Variants in CASQ2 observed in about 807,000 individuals in gnomAD.
CASQ2 encodes the protein calsequestrin-2.
CASQ2 carries 49 observed loss-of-function variants against 46.5 expected under a neutral mutation model. The observed-to-expected ratio is 1.05, with a 90% confidence interval of 0.84 to 1.34. The LOEUF (loss-of-function observed/expected upper bound fraction) is 1.34, where lower values mean the gene tolerates loss of function less well. Among genes scored for constraint, CASQ2 ranks in the 40% most tolerant of loss-of-function variants. The probability of loss-of-function intolerance (pLI) is 0.00; values close to 1 mark genes in which losing one functional copy is unlikely to be tolerated. For synonymous variants in CASQ2, 174 were observed against 168.5 expected (o/e 1.03, Z -0.25); for missense variants, 486 against 481.3 (o/e 1.01, Z -0.09).
chr1:115,755,083 C>G (rs1319572526), intron 1 of CASQ2, among the ~76,000 whole-genome samples: 1 of 152,206 alleles, frequency 6.6e-6, no homozygotes, highest in Non-Finnish European at 1.5e-5. Context: ...CTTCCAGTCT[C>G]TAACACAAAA....
chr1:115,760,118 C>T (rs1458913420), intron 1 of CASQ2, among the ~76,000 whole-genome samples: 1 of 152,140 alleles, frequency 6.6e-6, no homozygotes, highest in African/African-American at 2.4e-5. Flanking sequence ...TCCCTGCACC[C>T]CTAGAACAAA....
At chr1:115,705,135 C>T (rs564715269) in intron 9 of CASQ2, 57 bp downstream of exon 9, 16 of 1,079,024 alleles carry the variant, frequency 1.5e-5, no homozygotes, top group East Asian at 7.1e-5. Context: ...AGATGCTGAA[C>T]GCAATCATGA....
chr1:115,768,578 G>A lies in CASQ2; in HGVS notation c.-37C>T, dbSNP rs757888509. ...TTTGTTTCTCGTTCCCAAATATGCT[G>A]TGTGCAGAATAGAGGACAGAAGACT... On this transcript the variant is annotated 5_prime_UTR_variant, in exon 1 of 11. Coordinates refer to ENST00000261448, the MANE Select transcript of CASQ2 (RefSeq NM_001232.4). 1.8e-5 allele frequency: 23 copies of A among 1,273,996 alleles called. No individual in the cohort carries two copies. The highest frequency in any genetic ancestry group is 1.9e-4 in the Middle Eastern group (1 of 5,138). 78.9% of individuals were successfully genotyped at this position (1,273,996 alleles called of 1,614,324 possible). A position where few individuals can be genotyped will look rare whatever the true frequency, so the allele number is the denominator to read the frequency against.
intron 7 of CASQ2, among the ~76,000 whole-genome samples, chr1:115,721,262 G>T (rs1647366023): frequency 6.6e-6 from 1 of 152,156 alleles, no homozygotes; most frequent in African/African-American, 2.4e-5. Flanking sequence ...TAGATGGAGG[G>T]TGAGGTCTCC....
chr1:115,715,301 T>G (rs548146970), intron 8 of CASQ2, among the ~76,000 whole-genome samples: 1 of 152,296 alleles, frequency 6.6e-6, no homozygotes, highest in African/African-American at 2.4e-5. Context: ...CTAGATCATG[T>G]TGAAAAGTGA....
intron 8 of CASQ2, among the ~76,000 whole-genome samples, chr1:115,707,310 G>A (rs748187049): frequency 9.2e-5 from 14 of 152,244 alleles, no homozygotes; most frequent in Non-Finnish European, 1.5e-4. Flanking sequence ...ACAGATGTGA[G>A]TCACTGTGTC....
chr1:115,764,926 G>A (rs2101126313), intron 1 of CASQ2, among the ~76,000 whole-genome samples: 1 of 152,252 alleles, frequency 6.6e-6, no homozygotes, highest in East Asian at 1.9e-4. Context: ...CTCTCCCAGA[G>A]GACCTTGACT....
Position 115,717,873 on chromosome 1 carries a change from G to A in CASQ2, c.805C>T (p.His269Tyr). Reference protein sequence around the residue: ...ETWEDDLNGIHIVAFAEKSDP... With the variant: ...ETWEDDLNGIYIVAFAEKSDP... Reference sequence around the variant, plus strand: ...CTCTTCTCTGCAAAGGCCACAATGTGGATCCCATTCAAATCATCTTCCTGT... The same window carrying A: ...CTCTTCTCTGCAAAGGCCACAATGTAGATCCCATTCAAATCATCTTCCTGT... Residue 269 changes from histidine to tyrosine, a missense_variant, in exon 8 of 11, where the codon CAC (histidine) becomes TAC (tyrosine). Coordinates refer to ENST00000261448, the MANE Select transcript of CASQ2 (RefSeq NM_001232.4). The A allele has an allele frequency of 6.2e-7, 1 of 1,611,054 alleles. No homozygotes were observed. Among genetic ancestry groups the A allele is most frequent in the Non-Finnish European group, 8.5e-7 (1 of 1,177,218 alleles).
Position 115,700,779 on chromosome 1 carries a change from T to A in CASQ2, c.*462A>T, listed in dbSNP as rs1452655139. 1.1e-5 allele frequency: 5 copies of A among 445,064 alleles called. No individual in the cohort carries two copies. The highest frequency in any genetic ancestry group is 3.8e-5 in the Admixed American group (1 of 26,080). The allele number at this position is 445,064 out of a possible 1,614,324, so 27.6% of individuals were successfully genotyped here. On this transcript the variant is annotated 3_prime_UTR_variant, in exon 11 of 11. Transcript: ENST00000261448. The stretch of plus-strand genomic sequence containing the variant: ...TGGCTGGAGGAGGGATCCCAACTGA[T>A]GTTCGAGGTATGGAGGGAGCTAAAT...
intron 3 of CASQ2, among the ~76,000 whole-genome samples, chr1:115,738,738 T>G (rs997127971): frequency 6.6e-6 from 1 of 152,128 alleles, no homozygotes; most frequent in Non-Finnish European, 1.5e-5. Context: ...CATTTGAAAT[T>G]TACTCTTTTA....
intron 1 of CASQ2, among the ~76,000 whole-genome samples, chr1:115,752,092 C>T (rs1228137343): frequency 6.6e-6 from 1 of 152,204 alleles, no homozygotes; most frequent in Non-Finnish European, 1.5e-5. Flanking sequence ...TCTGCTTCTA[C>T]ACACACCCCT....
intron 1 of CASQ2, among the ~76,000 whole-genome samples, chr1:115,762,586 G>A (rs985654438): frequency 1.3e-5 from 2 of 152,158 alleles, no homozygotes; most frequent in Non-Finnish European, 2.9e-5. Context: ...AATATAAAAT[G>A]AAAAGTGCCC....
chr1:115,754,399 T>C (rs1279860294), intron 1 of CASQ2, among the ~76,000 whole-genome samples: 1 of 152,112 alleles, frequency 6.6e-6, no homozygotes, highest in Non-Finnish European at 1.5e-5. Flanking sequence ...GCTATGTATT[T>C]TTTCCACCCC....
intron 4 of CASQ2, among the ~76,000 whole-genome samples, chr1:115,736,014 T>G (rs976282031): frequency 6.6e-5 from 10 of 151,464 alleles, no homozygotes; most frequent in Non-Finnish European, 1.0e-4. Context: ...ATACAAAAAA[T>G]TAGCCAGGCA....
At chr1:115,765,260 A>C (rs1649092379) in intron 1 of CASQ2, among the ~76,000 whole-genome samples, 1 of 152,148 alleles carries the variant, frequency 6.6e-6, no homozygotes. Flanking sequence ...CCCAACAAAA[A>C]TTAGGTGGCA....
chr1:115,705,336 C>G, intron 8 of CASQ2, 44 bp from the exon 9 acceptor site: 1 of 1,260,508 alleles, frequency 7.9e-7, no homozygotes, highest in Non-Finnish European at 1.2e-6. Flanking sequence ...TGCACATACA[C>G]AGCTTCTAAT....
intron 6 of CASQ2, 115 bp from the exon 7 acceptor site, chr1:115,725,668 A>T (rs1647559726): frequency 2.2e-6 from 3 of 1,340,746 alleles, no homozygotes; most frequent in Non-Finnish European, 3.1e-6. Context: ...CTTCCTTTGC[A>T]AGGCAGGGAG....
chr1:115,741,600 G>A (rs1001482744), intron 2 of CASQ2, among the ~76,000 whole-genome samples: 13 of 152,164 alleles, frequency 8.5e-5, no homozygotes, highest in African/African-American at 3.1e-4. Context: ...ACCCATTAAT[G>A]TATGTGGCCA....
chr1:115,756,154 G>A (rs1162734374), intron 1 of CASQ2, among the ~76,000 whole-genome samples: 1 of 152,210 alleles, frequency 6.6e-6, no homozygotes, highest in East Asian at 1.9e-4. Flanking sequence ...GGCAGATGGT[G>A]AGGAGAGGCC....
Sources: gnomAD v4.1 joint callset for allele counts (sites outside exome capture counted in the v4.1 genomes callset) on GRCh38, gnomAD v4.1.1 for gene constraint, MANE v1.5 for transcripts, NCBI Gene and HGNC (gene_info 2026-07-23, HGNC 2026-07-21) for gene names.